TBC1D5: variants seen among roughly 807,000 people sequenced by gnomAD.
TBC1D5 encodes the protein TBC1 domain family member 5, also known as TBC1 domain family, member 5.
Under a neutral mutation model 100.3 loss-of-function variants are expected in TBC1D5, and 75 were observed. That is an observed-to-expected ratio of 0.75 (90% CI 0.62 to 0.91). The LOEUF (loss-of-function observed/expected upper bound fraction) is 0.91. TBC1D5 is among the 40% of genes least tolerant of loss of function. TBC1D5 has a pLI of 0.00. For missense variants in TBC1D5, 910 were observed against 942.4 expected, an observed-to-expected ratio of 0.97 and a Z score of 0.45; for synonymous variants, 323 against 325.6, an observed-to-expected ratio of 0.99 and a Z score of 0.09.
At chr3:17,342,927 A>C (rs1018460418) in intron 13 of TBC1D5, among the ~76,000 whole-genome samples, 3 of 152,054 alleles carry the variant, frequency 2.0e-5, no homozygotes, top group Non-Finnish European at 2.9e-5. Flanking sequence ...TAGGCATTTA[A>C]ATTTATAGAA....
intron 14 of TBC1D5, among the ~76,000 whole-genome samples, chr3:17,304,480 T>C (rs1169594354): frequency 1.3e-5 from 2 of 152,186 alleles, no homozygotes; most frequent in African/African-American, 4.8e-5. Context: ...CAATCACGGC[T>C]CACTGCAGCC....
At chr3:17,678,485 C>T (rs940615182) in intron 1 of TBC1D5, among the ~76,000 whole-genome samples, 5 of 151,904 alleles carry the variant, frequency 3.3e-5, no homozygotes, top group African/African-American at 1.2e-4. Flanking sequence ...AAGAAGATCA[C>T]AAATTTTTGG....
chr3:17,633,437 C>CA lies in TBC1D5; in HGVS notation c.-100-9525dup, dbSNP rs544473024. 1.0e-3 allele frequency among the ~76,000 whole-genome samples: 153 copies of CA among 151,100 alleles called. 2 individuals are homozygous for CA. The South Asian group carries it at 0.019, about 18-fold the overall frequency. ...CTCCAACAACAGCGAGACTCCATCT[C>CA]AAAAAAAGAAAAAATAACTATTCAC... On this transcript the variant is annotated intron_variant, in intron 1 of 21. Coordinates refer to ENST00000253692, the Ensembl canonical transcript of TBC1D5.
intron 1 of TBC1D5, among the ~76,000 whole-genome samples, chr3:17,690,299 CTCTGCCTCCCGGGT>C (rs1283413163): frequency 1.3e-5 from 1 of 77,898 alleles, no homozygotes; most frequent in African/African-American, 4.4e-5. Context: ...TCACTGCAAG[CTCTGCCTCCCGGGT>C]TCACGCCATT....
intron 14 of TBC1D5, among the ~76,000 whole-genome samples, chr3:17,293,274 T>C (rs1417668553): frequency 1.3e-5 from 2 of 152,342 alleles, no homozygotes; most frequent in Non-Finnish European, 2.9e-5. Context: ...AAAGCTAAGA[T>C]ACTGAGAACA....
At chr3:17,173,510 T>C (rs1255681264) in intron 19 of TBC1D5, among the ~76,000 whole-genome samples, 1 of 152,158 alleles carries the variant, frequency 6.6e-6, no homozygotes, top group Non-Finnish European at 1.5e-5. Flanking sequence ...CCCTGAGATA[T>C]GATCTTCTGT....
intron 17 of TBC1D5, among the ~76,000 whole-genome samples, chr3:17,215,351 T>C (rs1353933869): frequency 6.6e-6 from 1 of 152,112 alleles, no homozygotes; most frequent in African/African-American, 2.4e-5. Context: ...GATTTACGGA[T>C]GAACCCATTA....
intron 3 of TBC1D5, among the ~76,000 whole-genome samples, chr3:17,432,693 G>A (rs1355452715): frequency 1.3e-5 from 2 of 152,032 alleles, no homozygotes; most frequent in Non-Finnish European, 2.9e-5. Flanking sequence ...AAACTCAAAC[G>A]TAAAATAGAA....
intron 1 of TBC1D5, among the ~76,000 whole-genome samples, chr3:17,738,399 ACACTCT>A (rs2077135502): frequency 6.6e-6 from 1 of 151,112 alleles, no homozygotes; most frequent in Non-Finnish European, 1.5e-5. Context: ...ACACACACAC[ACACTCT>A]CTCTCTCTCT....
intron 3 of TBC1D5, among the ~76,000 whole-genome samples, chr3:17,434,820 T>C (rs1023979215): frequency 3.3e-5 from 5 of 152,194 alleles, no homozygotes; most frequent in Admixed American, 2.6e-4. Flanking sequence ...CAGAATTTTT[T>C]TCCCCCTACT....
chr3:17,460,453 C>T (rs1489786318), intron 3 of TBC1D5, among the ~76,000 whole-genome samples: 1 of 152,102 alleles, frequency 6.6e-6, no homozygotes, highest in Non-Finnish European at 1.5e-5. Flanking sequence ...TACTCTTTCC[C>T]AATTCTAGAC....
intron 1 of TBC1D5, among the ~76,000 whole-genome samples, chr3:17,720,978 C>A (rs1400458343): frequency 3.3e-5 from 5 of 151,796 alleles, no homozygotes; most frequent in African/African-American, 1.2e-4. Context: ...TAGCTGGGAT[C>A]ACAGGTGTGC....
At chr3:17,333,646 G>A (rs1458598694) in intron 13 of TBC1D5, among the ~76,000 whole-genome samples, 1 of 152,128 alleles carries the variant, frequency 6.6e-6, no homozygotes. Flanking sequence ...AAGCTGTAAG[G>A]TCTGCTTGTG....
chr3:17,386,083 G>T (rs61613750), intron 8 of TBC1D5, among the ~76,000 whole-genome samples: 4,087 of 152,090 alleles, frequency 0.027, 179 homozygotes, highest in African/African-American at 0.092. Context: ...AAATAACTTG[G>T]TATAGAGAAA....
Position 17,313,163 on chromosome 3 carries a change from T to C in TBC1D5, c.996-5029A>G, listed in dbSNP as rs150720531. ...TCCAACTAGGGAGCAGTTGGAATCTTAGCCCTGACAGGAGGGGACTATGGG... is the reference window on the plus strand; with the variant it reads ...TCCAACTAGGGAGCAGTTGGAATCTCAGCCCTGACAGGAGGGGACTATGGG... On this transcript the variant is annotated intron_variant, in intron 13 of 21. Coordinates refer to ENST00000253692, the Ensembl canonical transcript of TBC1D5. 4.5e-4 allele frequency among the ~76,000 whole-genome samples: 69 copies of C among 152,270 alleles called. 1 individual carries two copies. The East Asian group carries it at 9.7e-3, about 21-fold the overall frequency.
At chr3:17,215,213 TG>T (rs2073483152) in intron 17 of TBC1D5, among the ~76,000 whole-genome samples, 1 of 151,850 alleles carries the variant, frequency 6.6e-6, no homozygotes, top group African/African-American at 2.4e-5. Context: ...GATGGTCAAG[TG>T]GGGGTGAGTC....
intron 18 of TBC1D5, among the ~76,000 whole-genome samples, chr3:17,202,049 G>A (rs2071527061): frequency 6.6e-6 from 1 of 152,148 alleles, no homozygotes; most frequent in Admixed American, 6.5e-5. Flanking sequence ...GGGAAAGTTT[G>A]GAACTTCCTG....
At chr3:17,189,369 T>A (rs80134103) in intron 18 of TBC1D5, among the ~76,000 whole-genome samples, 4,268 of 152,192 alleles carry the variant, frequency 0.028, 211 homozygotes, top group East Asian at 0.12. Flanking sequence ...GATAGCAAAC[T>A]AATGTACAAG....
chr3:17,230,723 T>TA (rs2075340955), intron 17 of TBC1D5, among the ~76,000 whole-genome samples: 3 of 152,112 alleles, frequency 2.0e-5, no homozygotes, highest in Admixed American at 2.0e-4. Context: ...GAAATTATTT[T>TA]AAAAAATCTA....
Sources: gnomAD v4.1 joint callset for allele counts (sites outside exome capture counted in the v4.1 genomes callset) on GRCh38, gnomAD v4.1.1 for gene constraint, MANE v1.5 for transcripts, NCBI Gene and HGNC (gene_info 2026-07-23, HGNC 2026-07-21) for gene names.